The following SLC71A2 variants were observed in gnomAD, a reference collection of about 807,000 sequenced individuals.
The protein encoded by SLC71A2 is hippocampus abundant transcript-like 1.
the SLC71A2 span, among the ~76,000 whole-genome samples, chr9:94,400,522 C>A: frequency 4.6e-4 from 58 of 127,302 alleles, no homozygotes; most frequent in South Asian, 2.7e-3. Flanking sequence ...AAAAAAAAAA[C>A]AACTGATAAT....
At chr9:94,390,922 A>T in the SLC71A2 span, among the ~76,000 whole-genome samples, 1 of 152,004 alleles carries the variant, frequency 6.6e-6, no homozygotes, top group African/African-American at 2.4e-5. Flanking sequence ...AAGTTTAGAC[A>T]AGTTTGATCA....
the SLC71A2 span, chr9:94,459,533 G>A: frequency 2.6e-5 from 24 of 921,004 alleles, no homozygotes; most frequent in Non-Finnish European, 3.7e-5. Context: ...GGCCAAGTTT[G>A]ATAAATACCA....
the SLC71A2 span, among the ~76,000 whole-genome samples, chr9:94,406,252 A>T: frequency 0.48 from 72,619 of 150,180 alleles, 17,781 homozygotes; most frequent in East Asian, 0.6. Flanking sequence ...GATTATTATT[A>T]TTTTTTGAAA....
chr9:94,454,450 C>T, the SLC71A2 span, among the ~76,000 whole-genome samples: 4 of 152,082 alleles, frequency 2.6e-5, no homozygotes, highest in Admixed American at 6.6e-5. Flanking sequence ...TCACTGCAAC[C>T]TCTACCACCC....
chr9:94,417,618 ACT>A, the SLC71A2 span, among the ~76,000 whole-genome samples: 1 of 152,006 alleles, frequency 6.6e-6, no homozygotes, highest in Non-Finnish European at 1.5e-5. Flanking sequence ...CGAGTGCAAA[ACT>A]CTTTCTCAAA....
the SLC71A2 span, among the ~76,000 whole-genome samples, chr9:94,413,859 GCTC>G: frequency 6.6e-6 from 1 of 152,174 alleles, no homozygotes; most frequent in Non-Finnish European, 1.5e-5. Flanking sequence ...AGATGGCCTT[GCTC>G]CTATGTCTGA....
the SLC71A2 span, among the ~76,000 whole-genome samples, chr9:94,425,525 T>C: frequency 2.0e-5 from 3 of 152,138 alleles, no homozygotes; most frequent in Non-Finnish European, 4.4e-5. Flanking sequence ...AGCTGTCTTC[T>C]TGAGTTGAGT....
At chr9:94,421,450 G>A in the SLC71A2 span, among the ~76,000 whole-genome samples, 1 of 152,116 alleles carries the variant, frequency 6.6e-6, no homozygotes, top group Non-Finnish European at 1.5e-5. Context: ...ATCATACAAT[G>A]TATACTCTTT....
the SLC71A2 span, chr9:94,445,270 T>C: frequency 9.5e-7 from 1 of 1,055,538 alleles, no homozygotes; most frequent in Non-Finnish European, 1.4e-6. Flanking sequence ...TCAAGGATCC[T>C]AGCAGTTGTT....
the SLC71A2 span, among the ~76,000 whole-genome samples, chr9:94,388,157 A>G: frequency 1.3e-5 from 2 of 152,224 alleles, no homozygotes; most frequent in African/African-American, 2.4e-5. Context: ...TAGTGGCTTT[A>G]TATTTTAAAT....
At chr9:94,440,946 C>T in the SLC71A2 span, 8 of 1,266,612 alleles carry the variant, frequency 6.3e-6, no homozygotes, top group Admixed American at 3.8e-5. Context: ...TGAACATACA[C>T]TCCCTTTCCC....
chr9:94,423,302 T>A, the SLC71A2 span, among the ~76,000 whole-genome samples: 1 of 120,656 alleles, frequency 8.3e-6, no homozygotes, highest in African/African-American at 3.7e-5. Flanking sequence ...GGAAAGTATT[T>A]TTATTATAAA....
chr9:94,454,000 A>C, the SLC71A2 span: 11 of 1,614,022 alleles, frequency 6.8e-6, no homozygotes, highest in Non-Finnish European at 9.3e-6. Context: ...AGGAAATAAG[A>C]ATACTGTCCT....
At chr9:94,435,647 C>CT in the SLC71A2 span, among the ~76,000 whole-genome samples, 66 of 81,818 alleles carry the variant, frequency 8.1e-4, no homozygotes, top group Admixed American at 1.1e-3. Context: ...CTTTTTCCTT[C>CT]TTCTTTTTTT....
At chr9:94,388,904 C>T in the SLC71A2 span, among the ~76,000 whole-genome samples, 1 of 152,190 alleles carries the variant, frequency 6.6e-6, no homozygotes, top group South Asian at 2.1e-4. Flanking sequence ...TCACAGACTT[C>T]CTGGTCCCGA....
At chr9:94,402,567 G>A in the SLC71A2 span, among the ~76,000 whole-genome samples, 11 of 152,036 alleles carry the variant, frequency 7.2e-5, no homozygotes, top group African/African-American at 2.7e-4. Flanking sequence ...TTGTATTAGT[G>A]ACTTGTAAGG....
At chr9:94,422,870 G>T in the SLC71A2 span, among the ~76,000 whole-genome samples, 5 of 150,742 alleles carry the variant, frequency 3.3e-5, no homozygotes, top group African/African-American at 1.2e-4. Context: ...GTGTACGTTT[G>T]TCTCTATACG....
the SLC71A2 span, chr9:94,459,697 A>C: frequency 1.5e-5 from 5 of 344,270 alleles, no homozygotes; most frequent in South Asian, 2.1e-4. Flanking sequence ...AGAAAAAGTC[A>C]TCTCTCTGGT....
the SLC71A2 span, chr9:94,460,599 T>G: frequency 6.9e-6 from 1 of 145,446 alleles, no homozygotes; most frequent in Non-Finnish European, 1.5e-5. Context: ...AATGGACCAT[T>G]AACTAGGGCC....
Sources: gnomAD v4.1 joint callset for allele counts (sites outside exome capture counted in the v4.1 genomes callset) on GRCh38, gnomAD v4.1.1 for gene constraint, MANE v1.5 for transcripts, NCBI Gene and HGNC (gene_info 2026-07-23, HGNC 2026-07-21) for gene names.